The following NBPF20 variants were observed in gnomAD, a reference collection of about 807,000 sequenced individuals.
The protein encoded by NBPF20 is NBPF family member NBPF20.
A neutral mutation model predicts 68.1 loss-of-function variants in NBPF20; 90 were observed. That is an observed-to-expected ratio of 1.32 (90% CI 1.11 to 1.58). NBPF20 has a LOEUF of 1.58. Ranked by LOEUF, NBPF20 falls within the 40% of genes most tolerant of loss-of-function variation. NBPF20 has a pLI of 0.00. For synonymous variants in NBPF20, 290 were observed against 228.1 expected (o/e 1.27, Z -2.45); for missense variants, 816 against 601.2 (o/e 1.36, Z -3.74).
rs61812476 is a variant in NBPF20, at chr1:145,291,845, C to A, written c.16698-76G>T. The stretch of plus-strand genomic sequence containing the variant: ...CAGAGCCCCACTAGATTTCAGAAGT[C>A]ACATAAGGAAGTGGTTAGAAAAGAA... On this transcript the variant is annotated intron_variant, in intron 137 of 137. Transcript: ENST00000369373. 197 of 1,610,006 alleles carry A rather than the reference C, an allele frequency of 1.2e-4. 1 individual carries two copies. The highest frequency in any genetic ancestry group is 4.5e-4 in the Middle Eastern group (2 of 4,426).
intron 136 of NBPF20, 145 bp from the exon 142 acceptor site, chr1:145,292,634 A>G (rs1368544775): frequency 1.4e-6 from 1 of 739,298 alleles, no homozygotes; most frequent in Non-Finnish European, 2.4e-6. Context: ...GGAGGCCTGA[A>G]GGCTGTTCAT....
intron 2 of NBPF20, among the ~76,000 whole-genome samples, chr1:145,404,648 C>G (rs868972039): frequency 6.6e-5 from 10 of 152,282 alleles, no homozygotes; most frequent in African/African-American, 9.6e-5. Context: ...CAGGTACTGG[C>G]TACTATCACC....
chr1:145,404,451 G>T (rs1228788690), intron 2 of NBPF20, among the ~76,000 whole-genome samples: 1 of 152,006 alleles, frequency 6.6e-6, no homozygotes, highest in African/African-American at 2.4e-5. Flanking sequence ...TGGAGATGGG[G>T]TTTCTCCATG....
chr1:145,416,088 G>A, the NBPF20 span, among the ~76,000 whole-genome samples: 6 of 151,204 alleles, frequency 4.0e-5, no homozygotes, highest in African/African-American at 9.7e-5. Flanking sequence ...CTGAGATGGC[G>A]CCGTTGCATT....
chr1:145,341,246 G>A (rs1661614453), intron 75 of NBPF20, among the ~76,000 whole-genome samples: 1 of 28,896 alleles, frequency 3.5e-5, no homozygotes, highest in South Asian at 1.2e-3. Context: ...CTGAGTTAGT[G>A]CCCTCATGAC....
At chr1:145,401,019 T>C in intron 5 of NBPF20, 40 bp downstream of exon 10, 2 of 1,528,780 alleles carry the variant, frequency 1.3e-6, no homozygotes, top group Non-Finnish European at 1.8e-6. Flanking sequence ...ATTCCTCATA[T>C]GTTACCATCC....
In NBPF20 at chr1:145,393,297, C is replaced by A. The variant is rs2101529068; in HGVS notation, c.1044-51G>T. Reference sequence around the variant, plus strand: ...ATAAGCCAGGGGGAATCAGAAACCACACAGCCCCAGCTAGATTTCATGGCT... The same window carrying A: ...ATAAGCCAGGGGGAATCAGAAACCAAACAGCCCCAGCTAGATTTCATGGCT... On this transcript the variant is annotated intron_variant, in intron 9 of 137. Transcript: ENST00000369373. 8 of 670,830 alleles carry A rather than the reference C, an allele frequency of 1.2e-5. No individual in the cohort carries two copies. In the South Asian group the frequency reaches 1.4e-4, roughly 12 times the overall value. The allele number at this position is 670,830 out of a possible 1,614,324, so 41.6% of individuals were successfully genotyped here. A position where few individuals can be genotyped will look rare whatever the true frequency, so the allele number is the denominator to read the frequency against.
intron 113 of NBPF20, among the ~76,000 whole-genome samples, chr1:145,311,122 A>G (rs1661467389): frequency 1.9e-5 from 1 of 52,732 alleles, no homozygotes; most frequent in South Asian, 7.6e-4. Flanking sequence ...ACTCTGAGTT[A>G]GTGCCCTCGG....
At chr1:145,399,776 CAAAA>C (rs1176062364) in intron 6 of NBPF20, among the ~76,000 whole-genome samples, 2 of 51,732 alleles carry the variant, frequency 3.9e-5, no homozygotes, top group East Asian at 5.9e-4. Flanking sequence ...GACTCCATCA[CAAAA>C]AAAAAAAAAA....
At chr1:145,291,394 T>C (rs1252844149) in exon 138 of NBPF20, 12 of 1,581,622 alleles carry the variant, frequency 7.6e-6, no homozygotes, top group Admixed American at 5.2e-5. Flanking sequence ...GGTTTGAGAA[T>C]AGGAATACAG....
chr1:145,393,264 A>G lies in NBPF20; in HGVS notation c.1044-18T>C. 4.6e-6 allele frequency: 3 copies of G among 645,502 alleles called. No homozygotes were observed. The highest frequency in any genetic ancestry group is 1.8e-5 in the South Asian group (1 of 56,636). 40.0% of individuals were successfully genotyped at this position (645,502 alleles called of 1,614,324 possible). On this transcript the variant is annotated intron_variant, in intron 9 of 137. Coordinates refer to ENST00000369373, the Ensembl canonical transcript of NBPF20. ...TGCTGAGCCTGGAAAAGTGGGAAAA[A>G]GTAAAGAATAAGCCAGGGGGAATCA...
chr1:145,400,321 G>T, intron 6 of NBPF20, 68 bp downstream of exon 11: 1 of 1,600,798 alleles, frequency 6.2e-7, no homozygotes, highest in Non-Finnish European at 8.5e-7. Flanking sequence ...TGTTTATAGA[G>T]CCTGTCTTCA....
At chr1:145,306,326 G>C (rs1661409400) in intron 119 of NBPF20, among the ~76,000 whole-genome samples, 1 of 148,314 alleles carries the variant, frequency 6.7e-6, no homozygotes, top group African/African-American at 2.5e-5. Flanking sequence ...CAGAGAGAGA[G>C]AACGAGCTCA....
chr1:145,395,771 G>T (rs1431480630), intron 7 of NBPF20, among the ~76,000 whole-genome samples: 1 of 148,418 alleles, frequency 6.7e-6, no homozygotes, highest in Non-Finnish European at 1.5e-5. Flanking sequence ...CTGACTGTTA[G>T]AAGGAAAACT....
At chr1:145,291,005 G>A (rs1482787829) in exon 138 of NBPF20, 1 of 177,888 alleles carries the variant, frequency 5.6e-6, no homozygotes, top group Non-Finnish European at 1.2e-5. Flanking sequence ...AAGGAGCCTA[G>A]CGGGTTAACA....
chr1:145,400,300 A>C (rs1276608932), intron 6 of NBPF20, 89 bp downstream of exon 11: 110 of 1,598,540 alleles, frequency 6.9e-5, no homozygotes, highest in Non-Finnish European at 9.2e-5. Context: ...TTTTTTATTC[A>C]AATGAATTTG....
chr1:145,405,264 T>C (rs587646102), exon 2 of NBPF20: 6 of 1,609,126 alleles, frequency 3.7e-6, no homozygotes, highest in Non-Finnish European at 4.2e-6. Flanking sequence ...GGCCGGCTGA[T>C]ACCACCATGC....
chr1:145,306,488 TAC>T, intron 119 of NBPF20, among the ~76,000 whole-genome samples: 1 of 117,222 alleles, frequency 8.5e-6, no homozygotes, highest in South Asian at 4.2e-4. Flanking sequence ...GCCATGAGAA[TAC>T]AGTTTTTGAA....
the NBPF20 span, among the ~76,000 whole-genome samples, chr1:145,421,223 G>A: frequency 2.0e-5 from 3 of 152,168 alleles, no homozygotes; most frequent in Non-Finnish European, 2.9e-5. Context: ...AGGGAATTAA[G>A]AGTGTGTGGG....
Sources: allele counts gnomAD v4.1 joint callset (sites outside exome capture counted in the v4.1 genomes callset), GRCh38; gene constraint gnomAD v4.1.1; transcripts MANE v1.5; gene names NCBI Gene and HGNC (gene_info 2026-07-23, HGNC 2026-07-21).